Variants in TENM2 observed in about 807,000 individuals in gnomAD.
TENM2 encodes teneurin-2.
Under a neutral mutation model 245.2 loss-of-function variants are expected in TENM2, and 52 were observed. The observed-to-expected ratio is 0.21, with a 90% CI of 0.17 to 0.27. The LOEUF (loss-of-function observed/expected upper bound fraction) is 0.27, where lower values mean the gene tolerates loss of function less well. Ranked by LOEUF, TENM2 falls within the 10% of genes least tolerant of loss-of-function variation. TENM2 has a pLI of 1.00. For synonymous variants in TENM2, 1,363 were observed against 1,438.9 expected, an observed-to-expected ratio of 0.95 and a Z score of 1.19; for missense variants, 3,046 against 3,666.8, an observed-to-expected ratio of 0.83 and a Z score of 4.37.
intron 2 of TENM2, among the ~76,000 whole-genome samples, chr5:167,620,141 A>T (rs1778065885): frequency 6.6e-6 from 1 of 152,192 alleles, no homozygotes; most frequent in Non-Finnish European, 1.5e-5. Flanking sequence ...TATGCAGGGC[A>T]GCCTGAGCAT....
chr5:167,594,639 G>A (rs1403796754), intron 2 of TENM2, among the ~76,000 whole-genome samples: 1 of 152,186 alleles, frequency 6.6e-6, no homozygotes, highest in Non-Finnish European at 1.5e-5. Context: ...TTGAATGTTT[G>A]TAATGTAATC....
intron 3 of TENM2, among the ~76,000 whole-genome samples, chr5:167,949,164 T>C (rs1404077404): frequency 6.6e-6 from 1 of 152,146 alleles, no homozygotes; most frequent in African/African-American, 2.4e-5. Flanking sequence ...CATAAATACA[T>C]ACAGCCAGCT....
the TENM2 span, among the ~76,000 whole-genome samples, chr5:167,207,420 G>T: frequency 6.6e-6 from 1 of 152,286 alleles, no homozygotes; most frequent in African/African-American, 2.4e-5. Context: ...AAAGCAAGTT[G>T]GAAATCTGGG....
intron 1 of TENM2, among the ~76,000 whole-genome samples, chr5:167,308,856 A>G (rs980061302): frequency 6.6e-6 from 1 of 152,174 alleles, no homozygotes; most frequent in African/African-American, 2.4e-5. Context: ...CACACATACA[A>G]AACTACCACG....
At chr5:167,363,257 AT>A (rs2127272148) in intron 1 of TENM2, among the ~76,000 whole-genome samples, 1 of 152,334 alleles carries the variant, frequency 6.6e-6, no homozygotes, top group African/African-American at 2.4e-5. Context: ...CAACAAGGAC[AT>A]GAAACTGAGA....
intron 5 of TENM2, among the ~76,000 whole-genome samples, chr5:168,029,623 CAGT>C (rs2151946263): frequency 6.6e-6 from 1 of 152,294 alleles, no homozygotes; most frequent in Admixed American, 6.5e-5. Flanking sequence ...TGCTTCAGGT[CAGT>C]ACCTCCACAG....
intron 7 of TENM2, among the ~76,000 whole-genome samples, chr5:168,076,540 T>C (rs1344210141): frequency 6.6e-6 from 1 of 152,090 alleles, no homozygotes; most frequent in Non-Finnish European, 1.5e-5. Context: ...CTTTATTTTT[T>C]ACTCACAGCT....
At chr5:167,368,739 C>T (rs768470503) in intron 1 of TENM2, among the ~76,000 whole-genome samples, 1 of 152,008 alleles carries the variant, frequency 6.6e-6, no homozygotes, top group African/African-American at 2.4e-5. Flanking sequence ...GAAGGGGGTG[C>T]AGTGAAAGAG....
At chr5:167,901,705 A>T (rs1036734618) in intron 3 of TENM2, among the ~76,000 whole-genome samples, 2 of 152,214 alleles carry the variant, frequency 1.3e-5, no homozygotes, top group Non-Finnish European at 2.9e-5. Flanking sequence ...TTTAAATATT[A>T]TGCTAGAGCA....
intron 1 of TENM2, among the ~76,000 whole-genome samples, chr5:167,332,342 G>A (rs1249334175): frequency 6.6e-6 from 1 of 151,920 alleles, no homozygotes; most frequent in African/African-American, 2.4e-5. Context: ...TTCTATATTT[G>A]TATGGATAGC....
In TENM2 at chr5:167,894,986, GA is replaced by G. The variant is rs1415537967; in HGVS notation, c.712+18793del. ...GGAAGGAAGGAAGGAAGGAAGGAAG[GA>G]AGGAGGGAAGGAAGGAAGGAAGGGA... is the stretch of plus-strand genomic sequence containing the variant. On this transcript the variant is annotated intron_variant, in intron 3 of 28. Transcript: ENST00000518659. 2.0e-4 allele frequency among the ~76,000 whole-genome samples: 26 copies of G among 128,586 alleles called. 1 individual carries two copies. The highest frequency in any genetic ancestry group is 3.0e-4 in the South Asian group (1 of 3,340). The allele number at this position is 128,586 out of a possible 152,430, so 84.4% of individuals were successfully genotyped here.
chr5:168,046,227 C>G (rs920446250), intron 5 of TENM2, among the ~76,000 whole-genome samples: 1 of 152,128 alleles, frequency 6.6e-6, no homozygotes, highest in African/African-American at 2.4e-5. Flanking sequence ...TGAACAATTT[C>G]CTAAGCATTG....
chr5:168,227,855 A>G (rs372190242), intron 24 of TENM2, 40 bp from the exon 27 acceptor site: 2 of 1,341,826 alleles, frequency 1.5e-6, no homozygotes, highest in Non-Finnish European at 2.1e-6. Context: ...AGAGCGGATA[A>G]TTTATTTCCC....
the TENM2 span, among the ~76,000 whole-genome samples, chr5:167,250,342 A>G: frequency 6.6e-6 from 1 of 152,136 alleles, no homozygotes; most frequent in African/African-American, 2.4e-5. Flanking sequence ...AAAAAAACAG[A>G]AAAGCTTTAG....
intron 2 of TENM2, among the ~76,000 whole-genome samples, chr5:167,531,341 T>C (rs1771485061): frequency 6.6e-6 from 1 of 152,198 alleles, no homozygotes; most frequent in African/African-American, 2.4e-5. Context: ...TATTTCACTG[T>C]TTTCTATTTT....
chr5:167,911,714 G>A (rs964716226), intron 3 of TENM2, among the ~76,000 whole-genome samples: 7 of 152,082 alleles, frequency 4.6e-5, no homozygotes, highest in African/African-American at 1.7e-4. Flanking sequence ...AGTCATTCAC[G>A]CAGCGAATAT....
At chr5:167,952,676 C>A in exon 4 of TENM2, 1 of 1,613,042 alleles carries the variant, frequency 6.2e-7, no homozygotes, top group South Asian at 1.1e-5. Context: ...ACTCGTCCGC[C>A]AACTCCCTCA....
At chr5:167,138,709 G>A in the TENM2 span, among the ~76,000 whole-genome samples, 1 of 152,064 alleles carries the variant, frequency 6.6e-6, no homozygotes, top group African/African-American at 2.4e-5. Flanking sequence ...TGCAACCTCC[G>A]CCTCCTGGGT....
intron 2 of TENM2, among the ~76,000 whole-genome samples, chr5:167,678,243 C>T (rs1170118439): frequency 2.0e-5 from 3 of 151,920 alleles, no homozygotes; most frequent in Admixed American, 1.3e-4. Flanking sequence ...TAATTCTCTA[C>T]GATTAACATA....
Sources: gnomAD v4.1 joint callset for allele counts (sites outside exome capture counted in the v4.1 genomes callset) on GRCh38, gnomAD v4.1.1 for gene constraint, MANE v1.5 for transcripts, NCBI Gene and HGNC (gene_info 2026-07-23, HGNC 2026-07-21) for gene names.